The following CNTNAP5 variants were observed in gnomAD, a reference collection of about 807,000 sequenced individuals.
CNTNAP5 encodes the protein contactin associated protein family member 5.
In CNTNAP5, 72 loss-of-function variants were observed where a neutral mutation model predicts 150.2. The ratio of observed to expected loss-of-function variants is 0.48; its 90% CI spans 0.40 to 0.58. CNTNAP5 has a LOEUF of 0.58. CNTNAP5 is among the 20% of genes least tolerant of loss of function. CNTNAP5 has a pLI of 0.00. For missense variants in CNTNAP5, 1,636 were observed against 1,626.2 expected, an observed-to-expected ratio of 1.01 and a Z score of -0.10; for synonymous variants, 672 against 619.8, an observed-to-expected ratio of 1.08 and a Z score of -1.25.
At chr2:124,222,713 CTAATTGGTCGTTG>C (rs1259965769) in intron 2 of CNTNAP5, among the ~76,000 whole-genome samples, 3 of 145,894 alleles carry the variant, frequency 2.1e-5, no homozygotes, top group African/African-American at 7.6e-5. Context: ...GGAATAAGTT[CTAATTGGTCGTTG>C]TGTTTTTTTT....
At chr2:124,495,651 C>T (rs76078187) in intron 7 of CNTNAP5, among the ~76,000 whole-genome samples, 45 of 152,294 alleles carry the variant, frequency 3.0e-4, no homozygotes, top group African/African-American at 1.1e-3. Context: ...CTAATGTGCA[C>T]GATCTTTATC....
chr2:124,321,157 G>T (rs1173519901), intron 3 of CNTNAP5, among the ~76,000 whole-genome samples: 1 of 152,112 alleles, frequency 6.6e-6, no homozygotes, highest in Non-Finnish European at 1.5e-5. Context: ...TAAAGAAAAG[G>T]ATTAGAATGG....
At chr2:124,694,844 C>T (rs1679372002) in intron 13 of CNTNAP5, among the ~76,000 whole-genome samples, 1 of 152,008 alleles carries the variant, frequency 6.6e-6, no homozygotes, top group Non-Finnish European at 1.5e-5. Context: ...AACACAAGTA[C>T]CAGTCAGTAT....
chr2:124,197,289 T>C (rs1338193768), intron 1 of CNTNAP5, among the ~76,000 whole-genome samples: 1 of 152,194 alleles, frequency 6.6e-6, no homozygotes, highest in Non-Finnish European at 1.5e-5. Flanking sequence ...TTTGATTTTC[T>C]TAAGAAAGTT....
At chr2:124,384,895 A>G (rs1346284250) in intron 3 of CNTNAP5, among the ~76,000 whole-genome samples, 1 of 152,144 alleles carries the variant, frequency 6.6e-6, no homozygotes, top group Non-Finnish European at 1.5e-5. Context: ...TCCCATCCAC[A>G]ATTCCACTCC....
At chr2:124,134,078 G>A (rs548731845) in intron 1 of CNTNAP5, among the ~76,000 whole-genome samples, 2 of 152,042 alleles carry the variant, frequency 1.3e-5, no homozygotes, top group African/African-American at 2.4e-5. Context: ...CTCATCCTAC[G>A]TGTCACCCAA....
At chr2:124,177,045 A>G (rs893893569) in intron 1 of CNTNAP5, among the ~76,000 whole-genome samples, 1 of 151,334 alleles carries the variant, frequency 6.6e-6, no homozygotes, top group Admixed American at 6.6e-5. Flanking sequence ...ATGAGGTTTC[A>G]CCATTTTGGC....
At chr2:124,890,983 C>T (rs1286026308) in intron 21 of CNTNAP5, among the ~76,000 whole-genome samples, 3 of 152,094 alleles carry the variant, frequency 2.0e-5, no homozygotes, top group Non-Finnish European at 4.4e-5. Flanking sequence ...TTCATTATTA[C>T]ATTTAATGTT....
Position 124,844,243 on chromosome 2 carries a change from T to C in CNTNAP5, c.3218-21063T>C, listed in dbSNP as rs1046486759. Among the ~76,000 whole-genome samples the C allele has an allele frequency of 3.3e-5, 5 of 152,248 alleles. No individual in the cohort carries two copies. In the East Asian group the frequency reaches 9.7e-4, roughly 29 times the overall value. ...TCTTTTACATGGGGCTTGACAATTA[T>C]CCCAATACAATTTGTTGAATAGGGT... On this transcript the variant is annotated intron_variant, in intron 19 of 23. Coordinates refer to ENST00000682447, the MANE Select transcript of CNTNAP5 (RefSeq NM_001367498.1).
intron 1 of CNTNAP5, among the ~76,000 whole-genome samples, chr2:124,212,904 T>C (rs1686054878): frequency 7.0e-6 from 1 of 142,240 alleles, no homozygotes; most frequent in East Asian, 2.2e-4. Context: ...AATGGCGCTA[T>C]CTCTGCTCAC....
At chr2:124,770,020 T>A (rs1470770553) in intron 16 of CNTNAP5, among the ~76,000 whole-genome samples, 1 of 152,216 alleles carries the variant, frequency 6.6e-6, no homozygotes, top group Non-Finnish European at 1.5e-5. Context: ...TTTTACTGAT[T>A]CTAGGAGGTG....
chr2:124,718,360 C>T (rs1484733746), intron 13 of CNTNAP5, among the ~76,000 whole-genome samples: 1 of 152,126 alleles, frequency 6.6e-6, no homozygotes, highest in Non-Finnish European at 1.5e-5. Context: ...AGTGTAAAAA[C>T]TCAATCCAAC....
rs1287565787 is a variant in CNTNAP5 at position 124,918,231 on chromosome 2, T to C, written c.*3943T>C. On this transcript the variant is annotated 3_prime_UTR_variant, in exon 24 of 24. Transcript: ENST00000682447. ...CTTCCACAGCCATGTGTTTATGACC[T>C]ATTGCATGCCGTTGTTCTTCCAGAT... is the stretch of plus-strand genomic sequence containing the variant. Among the ~76,000 whole-genome samples, 3 of 152,036 alleles carry C rather than the reference T, an allele frequency of 2.0e-5. No individual in the cohort carries two copies. Among genetic ancestry groups the C allele is most frequent in the African/African-American group, 4.8e-5 (2 of 41,424 alleles).
chr2:124,107,612 A>G (rs1683197257), intron 1 of CNTNAP5, among the ~76,000 whole-genome samples: 1 of 152,208 alleles, frequency 6.6e-6, no homozygotes, highest in Non-Finnish European at 1.5e-5. Flanking sequence ...TAGTTAATCA[A>G]ATTTTTTGTT....
At chr2:124,808,672 G>A (rs1682134888) in intron 19 of CNTNAP5, among the ~76,000 whole-genome samples, 1 of 151,998 alleles carries the variant, frequency 6.6e-6, no homozygotes. Context: ...ACAACAGAAG[G>A]GAATTTAGTA....
chr2:124,253,472 A>G (rs1687235821), intron 3 of CNTNAP5, among the ~76,000 whole-genome samples: 1 of 152,202 alleles, frequency 6.6e-6, no homozygotes, highest in Admixed American at 6.5e-5. Context: ...TTTTTGTTCC[A>G]CTACCTCCTT....
At chr2:124,121,192 GCATA>G (rs1683552693) in intron 1 of CNTNAP5, among the ~76,000 whole-genome samples, 1 of 151,446 alleles carries the variant, frequency 6.6e-6, no homozygotes, top group African/African-American at 2.4e-5. Context: ...GCATACAGAT[GCATA>G]CAATTTGTGG....
At chr2:124,607,140 G>A (rs1558702131) in intron 11 of CNTNAP5, among the ~76,000 whole-genome samples, 2 of 152,094 alleles carry the variant, frequency 1.3e-5, no homozygotes, top group African/African-American at 2.4e-5. Flanking sequence ...TTGTAATGAA[G>A]GATTCTAAAA....
chr2:124,758,583 G>T (rs1300365084), intron 14 of CNTNAP5, among the ~76,000 whole-genome samples: 1 of 151,992 alleles, frequency 6.6e-6, no homozygotes, highest in East Asian at 1.9e-4. Context: ...GGACTGAAGG[G>T]GAAAAAGGCC....
Sources: allele counts gnomAD v4.1 joint callset (sites outside exome capture counted in the v4.1 genomes callset), GRCh38; gene constraint gnomAD v4.1.1; transcripts MANE v1.5; gene names NCBI Gene and HGNC (gene_info 2026-07-23, HGNC 2026-07-21).